Variants in DIS3L2 observed in about 807,000 individuals in gnomAD.
DIS3L2 encodes the protein DIS3 like 3'-5' exoribonuclease 2.
In DIS3L2, 34 loss-of-function variants were observed where a neutral mutation model predicts 97.5. The observed-to-expected ratio is 0.35, with a 90% CI of 0.27 to 0.46. The LOEUF (loss-of-function observed/expected upper bound fraction) is 0.46. Ranked by LOEUF, DIS3L2 falls within the 20% of genes least tolerant of loss-of-function variation. DIS3L2 has a pLI of 1.00. For missense variants in DIS3L2, 1,038 were observed against 1,146.0 expected, an observed-to-expected ratio of 0.91 and a Z score of 1.36; for synonymous variants, 435 against 445.2, an observed-to-expected ratio of 0.98 and a Z score of 0.29.
At chr2:232,201,856 G>T (rs1691902285) in intron 9 of DIS3L2, among the ~76,000 whole-genome samples, 1 of 152,142 alleles carries the variant, frequency 6.6e-6, no homozygotes, top group Non-Finnish European at 1.5e-5. Flanking sequence ...GAGGAAAAAA[G>T]ATAAAGCCAA....
At chr2:232,056,925 A>G (rs1368709546) in intron 5 of DIS3L2, among the ~76,000 whole-genome samples, 1 of 152,188 alleles carries the variant, frequency 6.6e-6, no homozygotes, top group Non-Finnish European at 1.5e-5. Flanking sequence ...GTATATGCCC[A>G]ACAGTAATGG....
Position 232,030,090 on chromosome 2 carries a change from G to A in DIS3L2, c.366+10G>A. The A allele has an allele frequency of 6.2e-7, 1 of 1,606,772 alleles. No homozygotes were observed. Among genetic ancestry groups the A allele is most frequent in the Non-Finnish European group, 8.5e-7 (1 of 1,176,150 alleles). On this transcript the variant is annotated intron_variant, in intron 5 of 20. Coordinates refer to ENST00000325385, the MANE Select transcript of DIS3L2 (RefSeq NM_152383.5). ...CGAGGAGCATTGGAAGGTGAGTTAAGTTTTCCCTTTCTAATTACAGATTTC... is the reference window on the plus strand; with the variant it reads ...CGAGGAGCATTGGAAGGTGAGTTAAATTTTCCCTTTCTAATTACAGATTTC...
intron 1 of DIS3L2, among the ~76,000 whole-genome samples, chr2:231,970,283 G>C (rs1254137358): frequency 6.6e-6 from 1 of 152,088 alleles, no homozygotes; most frequent in African/African-American, 2.4e-5. Context: ...ATATCGCATC[G>C]ATTTTCAAAT....
At chr2:232,076,896 G>A (rs1424235877) in intron 5 of DIS3L2, among the ~76,000 whole-genome samples, 4 of 151,964 alleles carry the variant, frequency 2.6e-5, no homozygotes, top group Admixed American at 2.6e-4. Context: ...TCTCTGACCC[G>A]GCAAGTGTTC....
At chr2:231,971,833 C>T (rs1448943555) in intron 1 of DIS3L2, among the ~76,000 whole-genome samples, 3 of 149,386 alleles carry the variant, frequency 2.0e-5, no homozygotes, top group Non-Finnish European at 3.0e-5. Flanking sequence ...TGCCTGCCTC[C>T]GCCTCCCAAA....
chr2:232,244,335 A>G (rs1243295279), intron 11 of DIS3L2, among the ~76,000 whole-genome samples: 1 of 151,908 alleles, frequency 6.6e-6, no homozygotes, highest in Non-Finnish European at 1.5e-5. Context: ...TGGTGTTTTG[A>G]TTTTTGGTGG....
intron 8 of DIS3L2, among the ~76,000 whole-genome samples, chr2:232,156,169 G>C (rs1305590218): frequency 6.6e-6 from 1 of 151,986 alleles, no homozygotes; most frequent in African/African-American, 2.4e-5. Context: ...CTTTTCTCAA[G>C]ATTTTACTCT....
intron 14 of DIS3L2, among the ~76,000 whole-genome samples, chr2:232,327,739 A>G (rs1041707789): frequency 4.6e-5 from 7 of 152,216 alleles, no homozygotes; most frequent in Admixed American, 2.0e-4. Context: ...GATTGATGGC[A>G]GGGATGAAAA....
chr2:232,054,647 G>A (rs1695495253), intron 5 of DIS3L2, among the ~76,000 whole-genome samples: 1 of 152,138 alleles, frequency 6.6e-6, no homozygotes, highest in Non-Finnish European at 1.5e-5. Flanking sequence ...TTTGAGGTAT[G>A]AAAAGTCCAG....
chr2:231,981,343 C>T (rs1359151527), intron 1 of DIS3L2, among the ~76,000 whole-genome samples: 2 of 151,646 alleles, frequency 1.3e-5, no homozygotes, highest in African/African-American at 4.8e-5. Context: ...CTTTTTTTCT[C>T]CTTGCATTTT....
chr2:232,232,158 G>T (rs1160448376), intron 10 of DIS3L2, among the ~76,000 whole-genome samples: 1 of 152,140 alleles, frequency 6.6e-6, no homozygotes, highest in Non-Finnish European at 1.5e-5. Context: ...AGTTGGGTTG[G>T]TATCAGCTTC....
rs529354340 is a variant in DIS3L2 at position 231,985,390 on chromosome 2, G to C, written c.-94+23625G>C. Among the ~76,000 whole-genome samples, 252 of 152,320 alleles carry C rather than the reference G, an allele frequency of 1.7e-3. 2 individuals carry two copies. The highest frequency in any genetic ancestry group is 5.9e-3 in the African/African-American group (246 of 41,566). On this transcript the variant is annotated intron_variant, in intron 1 of 20. Transcript: ENST00000325385. Reference sequence around the variant, plus strand: ...GTGTAATTCCTTTGAGATTCATTCAGATTGGTGCATGTATCAATAGTTTGT... The same window carrying C: ...GTGTAATTCCTTTGAGATTCATTCACATTGGTGCATGTATCAATAGTTTGT...
chr2:232,176,857 AG>A (rs1196780831), intron 9 of DIS3L2, among the ~76,000 whole-genome samples: 5 of 149,782 alleles, frequency 3.3e-5, no homozygotes, highest in Non-Finnish European at 5.9e-5. Flanking sequence ...CACATTGTGC[AG>A]GTTAGTTACA....
intron 10 of DIS3L2, among the ~76,000 whole-genome samples, chr2:232,213,666 T>TTTTG (rs1421479677): frequency 6.8e-6 from 1 of 146,368 alleles, no homozygotes; most frequent in Non-Finnish European, 1.5e-5. Flanking sequence ...CTGTAGTTTT[T>TTTTG]TTTTTTTTTT....
chr2:232,050,710 T>C (rs1011482282), intron 5 of DIS3L2, among the ~76,000 whole-genome samples: 1 of 152,238 alleles, frequency 6.6e-6, no homozygotes, highest in African/African-American at 2.4e-5. Context: ...TCCATTTGTT[T>C]ATTCGACATT....
chr2:232,015,293 GTGT>G (rs751183096), intron 2 of DIS3L2, among the ~76,000 whole-genome samples: 3 of 152,138 alleles, frequency 2.0e-5, no homozygotes, highest in Non-Finnish European at 2.9e-5. Flanking sequence ...TGTTCCATGC[GTGT>G]TGTTGTGCTG....
At chr2:232,129,835 C>G (rs1156675017) in intron 6 of DIS3L2, among the ~76,000 whole-genome samples, 2 of 152,192 alleles carry the variant, frequency 1.3e-5, no homozygotes, top group African/African-American at 4.8e-5. Context: ...TCCAGAATCC[C>G]TAACATAGTT....
At chr2:232,126,287 TA>T (rs1225441433) in intron 6 of DIS3L2, among the ~76,000 whole-genome samples, 1 of 152,266 alleles carries the variant, frequency 6.6e-6, no homozygotes, top group East Asian at 1.9e-4. Context: ...GCCTGTATGT[TA>T]GAAAGTATAT....
intron 19 of DIS3L2, chr2:232,335,465 A>G (rs1381363618): frequency 5.7e-6 from 2 of 351,782 alleles, no homozygotes; most frequent in Non-Finnish European, 1.1e-5. Context: ...CAGGGGGCGC[A>G]GCGCTCCGCC....
Sources: gnomAD v4.1 joint callset for allele counts (sites outside exome capture counted in the v4.1 genomes callset) on GRCh38, gnomAD v4.1.1 for gene constraint, MANE v1.5 for transcripts, NCBI Gene and HGNC (gene_info 2026-07-23, HGNC 2026-07-21) for gene names.